PCCA: variants seen among roughly 807,000 people sequenced by gnomAD.
PCCA encodes propionyl-CoA carboxylase subunit alpha.
Under a neutral mutation model 101.3 loss-of-function variants are expected in PCCA, and 74 were observed. That is an observed-to-expected ratio of 0.73 (90% confidence interval 0.61 to 0.89). The LOEUF (loss-of-function observed/expected upper bound fraction) is 0.89, where lower values mean the gene tolerates loss of function less well. Among genes scored for constraint, PCCA ranks in the 40% least tolerant of loss-of-function variants. PCCA has a pLI of 0.00. For synonymous variants in PCCA, 294 were observed against 313.6 expected, an observed-to-expected ratio of 0.94 and a Z score of 0.66; for missense variants, 891 against 907.0, an observed-to-expected ratio of 0.98 and a Z score of 0.23.
chr13:100,498,669 C>T (rs962699398), intron 21 of PCCA, among the ~76,000 whole-genome samples: 18 of 152,268 alleles, frequency 1.2e-4, no homozygotes, highest in African/African-American at 4.3e-4. Flanking sequence ...CCCCCACCTC[C>T]CCCAGCAACC....
At chr13:100,190,164 G>A (rs1448210889) in intron 6 of PCCA, among the ~76,000 whole-genome samples, 1 of 152,124 alleles carries the variant, frequency 6.6e-6, no homozygotes, top group Non-Finnish European at 1.5e-5. Flanking sequence ...TAAGGTGGGT[G>A]GACCTTATGA....
chr13:100,207,040 C>T (rs1404560831), intron 6 of PCCA, among the ~76,000 whole-genome samples: 1 of 152,222 alleles, frequency 6.6e-6, no homozygotes, highest in Non-Finnish European at 1.5e-5. Flanking sequence ...TTTCCTTATG[C>T]AGGCTCCGGT....
intron 21 of PCCA, among the ~76,000 whole-genome samples, chr13:100,465,858 A>G (rs2082477298): frequency 6.6e-6 from 1 of 152,234 alleles, no homozygotes. Context: ...ACCTTATGCG[A>G]AGAAAATAAA....
chr13:100,351,013 A>G (rs1193609527), intron 18 of PCCA, among the ~76,000 whole-genome samples: 1 of 152,178 alleles, frequency 6.6e-6, no homozygotes, highest in Non-Finnish European at 1.5e-5. Context: ...TCTTTAGGCA[A>G]TCAAGTTTTT....
In PCCA at chr13:100,329,792, G is replaced by A. The variant is rs141163292; in HGVS notation, c.1430-769G>A. On this transcript the variant is annotated intron_variant, in intron 16 of 23. Transcript: ENST00000376285. Reference sequence around the variant, plus strand: ...CAAAGCCAAACTTGCACCAAAAAAAGGTCATGGTCACTGTTTAGTGGTCTG... The same window carrying A: ...CAAAGCCAAACTTGCACCAAAAAAAAGTCATGGTCACTGTTTAGTGGTCTG... 6.3e-3 allele frequency among the ~76,000 whole-genome samples: 956 copies of A among 152,174 alleles called. 10 individuals carry two copies. Among genetic ancestry groups the A allele is most frequent in the African/African-American group, 0.022 (915 of 41,532 alleles).
chr13:100,246,926 G>C (rs946620056), intron 8 of PCCA, among the ~76,000 whole-genome samples: 5 of 141,438 alleles, frequency 3.5e-5, no homozygotes, highest in African/African-American at 5.3e-5. Flanking sequence ...TTTTAATTAA[G>C]ACAATGGAGT....
intron 19 of PCCA, among the ~76,000 whole-genome samples, chr13:100,417,853 C>T (rs2078479919): frequency 6.6e-6 from 1 of 152,146 alleles, no homozygotes; most frequent in Non-Finnish European, 1.5e-5. Flanking sequence ...ACCTCCAAGA[C>T]AGGAGGTGGG....
At chr13:100,505,193 A>C (rs1479510972) in intron 21 of PCCA, among the ~76,000 whole-genome samples, 2 of 152,170 alleles carry the variant, frequency 1.3e-5, no homozygotes, top group East Asian at 1.9e-4. Context: ...ATACGTTTAT[A>C]TTGTGTCATT....
At chr13:100,419,183 A>T (rs2078578743) in intron 19 of PCCA, among the ~76,000 whole-genome samples, 1 of 152,122 alleles carries the variant, frequency 6.6e-6, no homozygotes, top group South Asian at 2.1e-4. Flanking sequence ...AAGAGGCTAT[A>T]GAAATTGGCT....
At chr13:100,176,620 G>T (rs1182754801) in intron 6 of PCCA, among the ~76,000 whole-genome samples, 1 of 152,132 alleles carries the variant, frequency 6.6e-6, no homozygotes, top group Admixed American at 6.6e-5. Context: ...GTGAATTTAT[G>T]ACTTACATTA....
intron 16 of PCCA, among the ~76,000 whole-genome samples, chr13:100,314,200 C>T (rs1248380060): frequency 6.6e-6 from 1 of 152,086 alleles, no homozygotes; most frequent in Non-Finnish European, 1.5e-5. Flanking sequence ...AAACTCTTTG[C>T]TTACTATTAT....
intron 19 of PCCA, among the ~76,000 whole-genome samples, chr13:100,413,472 T>A (rs2078176083): frequency 6.6e-6 from 1 of 152,130 alleles, no homozygotes; most frequent in Non-Finnish European, 1.5e-5. Flanking sequence ...GAGATATTAG[T>A]GAAGAACAAG....
intron 20 of PCCA, among the ~76,000 whole-genome samples, chr13:100,443,540 A>T (rs1032330088): frequency 6.6e-6 from 1 of 152,096 alleles, no homozygotes. Context: ...TAACTAGAAC[A>T]TAGCCACATT....
Position 100,111,850 on chromosome 13 carries a change from A to T in PCCA, c.193A>T (p.Lys65Ter). 1 of 1,608,074 alleles carries T rather than the reference A, an allele frequency of 6.2e-7. No homozygotes were observed. Among genetic ancestry groups the T allele is most frequent in the Non-Finnish European group, 8.5e-7 (1 of 1,175,454 alleles). The change falls in exon 3 of 24, where the codon AAA (lysine) becomes TAA (stop). Residue 65 changes from lysine to a stop codon, truncating the protein, a stop_gained. Transcript: ENST00000376285. LOFTEE classifies it high-confidence loss of function. Reference protein sequence around the residue: ...GYDPNEKTFDKILVANRGEIA... With the variant: ...GYDPNEKTFD ...TTTTTTCTCTCTTCAGACTTTTGAT[A>T]AAATTCTTGTTGCTAATAGAGGAGA...
chr13:100,102,808 G>A, intron 1 of PCCA, 75 bp from the exon 2 acceptor site: 1 of 962,318 alleles, frequency 1.0e-6, no homozygotes, highest in South Asian at 1.3e-5. Context: ...GAACCTAACT[G>A]GAAGAAATAT....
intron 19 of PCCA, among the ~76,000 whole-genome samples, chr13:100,387,101 G>T (rs960694604): frequency 1.3e-5 from 2 of 152,182 alleles, no homozygotes; most frequent in East Asian, 1.9e-4. Context: ...TCCCACAGGT[G>T]TAAGTACACA....
chr13:100,116,691 G>T (rs1401604979), intron 4 of PCCA, among the ~76,000 whole-genome samples: 1 of 152,032 alleles, frequency 6.6e-6, no homozygotes, highest in East Asian at 1.9e-4. Context: ...ACATAATTTT[G>T]ATTTTTTTTG....
chr13:100,192,962 C>G (rs2057840563), intron 6 of PCCA, among the ~76,000 whole-genome samples: 1 of 152,100 alleles, frequency 6.6e-6, no homozygotes, highest in Admixed American at 6.6e-5. Context: ...AGACTATAAA[C>G]TCTTGAGTGT....
chr13:100,208,866 T>C (rs751979925), intron 6 of PCCA, among the ~76,000 whole-genome samples: 1 of 152,216 alleles, frequency 6.6e-6, no homozygotes, highest in Non-Finnish European at 1.5e-5. Context: ...ATTGTTGATA[T>C]CCTGTTGTCT....
Sources: allele counts gnomAD v4.1 joint callset (sites outside exome capture counted in the v4.1 genomes callset), GRCh38; gene constraint gnomAD v4.1.1; transcripts MANE v1.5; gene names NCBI Gene and HGNC (gene_info 2026-07-23, HGNC 2026-07-21).